Variants in VWA8 observed in about 807,000 individuals in gnomAD.
VWA8 encodes von Willebrand factor A domain-containing protein 8.
In VWA8, 221 loss-of-function variants were observed where a neutral mutation model predicts 241.5. The ratio of observed to expected loss-of-function variants is 0.91; its 90% confidence interval spans 0.82 to 1.02. The LOEUF (loss-of-function observed/expected upper bound fraction) is 1.02. Ranked by LOEUF, VWA8 falls within the 50% of genes least tolerant of loss-of-function variation. VWA8 has a pLI of 0.00. For synonymous variants in VWA8, 852 were observed against 827.1 expected, an observed-to-expected ratio of 1.03 and a Z score of -0.52; for missense variants, 2,322 against 2,328.7, an observed-to-expected ratio of 1.00 and a Z score of 0.06.
intron 4 of VWA8, among the ~76,000 whole-genome samples, chr13:41,899,984 C>T (rs921215840): frequency 2.0e-5 from 3 of 152,112 alleles, no homozygotes; most frequent in African/African-American, 7.2e-5. Context: ...CTTAGCTCTA[C>T]GAAGGATGAG....
At chr13:41,768,243 A>G (rs2045792932) in intron 20 of VWA8, among the ~76,000 whole-genome samples, 2 of 152,218 alleles carry the variant, frequency 1.3e-5, no homozygotes, top group East Asian at 3.8e-4. Context: ...CAGTGCTTCT[A>G]CAGATATTAA....
At chr13:41,695,900 C>T (rs2045213038) in intron 29 of VWA8, among the ~76,000 whole-genome samples, 1 of 152,102 alleles carries the variant, frequency 6.6e-6, no homozygotes, top group South Asian at 2.1e-4. Flanking sequence ...AAAACTCTTG[C>T]TGAGAACCTA....
chr13:41,947,253 CAT>C (rs1320953306), intron 2 of VWA8, among the ~76,000 whole-genome samples: 1 of 152,138 alleles, frequency 6.6e-6, no homozygotes, highest in Non-Finnish European at 1.5e-5. Flanking sequence ...TAACAGAGCA[CAT>C]AGTCTAGTGG....
At chr13:41,719,792 A>T (rs777898250) in intron 25 of VWA8, 50 bp from the exon 26 acceptor site, 1 of 1,505,210 alleles carries the variant, frequency 6.6e-7, no homozygotes, top group South Asian at 1.2e-5. Context: ...AATATACAAC[A>T]TTATAAAGAT....
intron 2 of VWA8, among the ~76,000 whole-genome samples, chr13:41,923,806 A>G (rs558216069): frequency 6.6e-6 from 1 of 151,578 alleles, no homozygotes; most frequent in South Asian, 2.1e-4. Context: ...ATTGATCATA[A>G]CTAAAGAAGC....
intron 43 of VWA8, among the ~76,000 whole-genome samples, chr13:41,571,315 C>CTCTCCCTCCCCCCTCTCCCTCTCCCG (rs1566370831): frequency 9.4e-6 from 1 of 105,854 alleles, no homozygotes; most frequent in African/African-American, 3.6e-5. Context: ...TCCCTCCTCC[C>CTCTCCCTCCCCCCTCTCCCTCTCCCG]TCTCCCTCTC....
chr13:41,948,355 G>A (rs192023330), intron 2 of VWA8, among the ~76,000 whole-genome samples: 1 of 152,306 alleles, frequency 6.6e-6, no homozygotes, highest in East Asian at 1.9e-4. Context: ...CTGGGAGGGT[G>A]GTGGGGGAGA....
chr13:41,829,327 G>A (rs1297409113), intron 14 of VWA8, among the ~76,000 whole-genome samples: 1 of 152,086 alleles, frequency 6.6e-6, no homozygotes, highest in East Asian at 1.9e-4. Context: ...ATGGAAAACA[G>A]TATGGAGAGT....
At chr13:41,593,080 A>G (rs2139649044) in intron 40 of VWA8, among the ~76,000 whole-genome samples, 1 of 152,330 alleles carries the variant, frequency 6.6e-6, no homozygotes, top group South Asian at 2.1e-4. Context: ...TGGAAATACA[A>G]AGCCACTAAG....
At chr13:41,824,622 G>C (rs767878662) in intron 14 of VWA8, among the ~76,000 whole-genome samples, 2 of 151,950 alleles carry the variant, frequency 1.3e-5, no homozygotes, top group Non-Finnish European at 2.9e-5. Context: ...GAGGCTAGGA[G>C]TTCAAGAGCA....
intron 37 of VWA8, among the ~76,000 whole-genome samples, chr13:41,631,397 T>A (rs2044725942): frequency 6.6e-6 from 1 of 152,046 alleles, no homozygotes; most frequent in Non-Finnish European, 1.5e-5. Context: ...TGCTTCACCC[T>A]CAGCTTGACT....
chr13:41,596,788 T>TACACAC (rs142774673), intron 40 of VWA8, among the ~76,000 whole-genome samples: 2,204 of 136,966 alleles, frequency 0.016, 24 homozygotes, highest in Non-Finnish European at 0.018. Context: ...AACCAGAAAG[T>TACACAC]ACACACACAC....
intron 2 of VWA8, among the ~76,000 whole-genome samples, chr13:41,948,836 T>C (rs187209476): frequency 2.0e-5 from 3 of 152,154 alleles, no homozygotes; most frequent in African/African-American, 7.2e-5. Flanking sequence ...AATAGGAGAA[T>C]GGATAAACAA....
At chr13:41,886,321 A>G (rs1387236374) in intron 7 of VWA8, among the ~76,000 whole-genome samples, 2 of 152,112 alleles carry the variant, frequency 1.3e-5, no homozygotes, top group African/African-American at 2.4e-5. Flanking sequence ...TCTAGCCTCC[A>G]AGAGTTTTTT....
chr13:41,802,950 A>G (rs1240118429), intron 17 of VWA8, among the ~76,000 whole-genome samples: 3 of 152,236 alleles, frequency 2.0e-5, no homozygotes. Context: ...CCAACTCCAG[A>G]CAGCTGAGCA....
At chr13:41,770,366 G>T (rs974307096) in intron 20 of VWA8, among the ~76,000 whole-genome samples, 1 of 151,388 alleles carries the variant, frequency 6.6e-6, no homozygotes, top group African/African-American at 2.4e-5. Flanking sequence ...GCGTGAACCC[G>T]GGAGGCAGAG....
rs529768786 is a variant in VWA8, at chr13:41,749,950, C to G, written c.2426+11178G>C. On this transcript the variant is annotated intron_variant, in intron 21 of 44. Coordinates refer to ENST00000379310, the MANE Select transcript of VWA8 (RefSeq NM_015058.2). The stretch of plus-strand genomic sequence containing the variant: ...ATGATGAGTTAGTGGGTGCAGCACA[C>G]CAACATGGCACATGTATACATATGT... Among the ~76,000 whole-genome samples, 52 of 151,932 alleles carry G rather than the reference C, an allele frequency of 3.4e-4. 1 individual carries two copies. In the South Asian group the frequency reaches 0.011, roughly 32 times the overall value.
intron 12 of VWA8, among the ~76,000 whole-genome samples, chr13:41,846,067 G>C (rs901646493): frequency 6.1e-5 from 9 of 148,140 alleles, no homozygotes; most frequent in African/African-American, 2.3e-4. Context: ...TTTTTTAAGA[G>C]ACAGGTCTCC....
intron 37 of VWA8, among the ~76,000 whole-genome samples, chr13:41,617,114 T>C (rs1041241889): frequency 2.6e-5 from 4 of 152,108 alleles, no homozygotes; most frequent in African/African-American, 7.2e-5. Context: ...CATATGGAGA[T>C]ACTATTTTTT....
Sources: allele counts gnomAD v4.1 joint callset (sites outside exome capture counted in the v4.1 genomes callset), GRCh38; gene constraint gnomAD v4.1.1; transcripts MANE v1.5; gene names NCBI Gene and HGNC (gene_info 2026-07-23, HGNC 2026-07-21).